Variants in RBFOX1 observed in about 807,000 individuals in gnomAD.
The protein encoded by RBFOX1 is RNA binding fox-1 homolog 1.
A neutral mutation model predicts 57.7 loss-of-function variants in RBFOX1; 8 were observed. The observed-to-expected ratio is 0.14, with a 90% CI of 0.08 to 0.25. The LOEUF is 0.25. Ranked by LOEUF, RBFOX1 falls within the 10% of genes least tolerant of loss-of-function variation. RBFOX1 has a pLI of 1.00. For missense variants in RBFOX1, 611 were observed against 548.5 expected, an observed-to-expected ratio of 1.11 and a Z score of -1.14; for synonymous variants, 326 against 222.4, an observed-to-expected ratio of 1.47 and a Z score of -4.15.
intron 1 of RBFOX1, among the ~76,000 whole-genome samples, chr16:6,181,101 A>C (rs940879933): frequency 6.6e-6 from 1 of 152,170 alleles, no homozygotes; most frequent in Non-Finnish European, 1.5e-5. Context: ...GCATCTGCAC[A>C]CTGCTTCAGG....
chr16:5,546,379 A>T (rs35435196), intron 2 of RBFOX1, among the ~76,000 whole-genome samples: 1 of 152,004 alleles, frequency 6.6e-6, no homozygotes, highest in Non-Finnish European at 1.5e-5. Flanking sequence ...GCTTTGAAGA[A>T]GAACAAAGTT....
At chr16:6,335,515 C>T (rs1214028869) in intron 2 of RBFOX1, among the ~76,000 whole-genome samples, 1 of 151,994 alleles carries the variant, frequency 6.6e-6, no homozygotes, top group African/African-American at 2.4e-5. Context: ...CGCGGTGGTT[C>T]ACGCCTGTAA....
chr16:7,564,606 G>A (rs1398961641), intron 5 of RBFOX1, among the ~76,000 whole-genome samples: 1 of 146,190 alleles, frequency 6.8e-6, no homozygotes, highest in African/African-American at 2.5e-5. Flanking sequence ...GCCCTTCCCA[G>A]GAGCTGAGTT....
chr16:7,632,849 A>G (rs1004198766), intron 11 of RBFOX1, among the ~76,000 whole-genome samples: 1 of 152,236 alleles, frequency 6.6e-6, no homozygotes, highest in Admixed American at 6.5e-5. Context: ...GCTCTATATG[A>G]TGATATGACA....
At chr16:6,226,089 G>C (rs983039222) in intron 1 of RBFOX1, among the ~76,000 whole-genome samples, 1 of 151,864 alleles carries the variant, frequency 6.6e-6, no homozygotes, top group African/African-American at 2.4e-5. Flanking sequence ...GCCTGGTGCA[G>C]TGGCTCATGC....
In RBFOX1 at chr16:7,162,149, C is replaced by T. The variant is rs1362925973; in HGVS notation, c.27+110051C>T. ...AAGAGACGTGCCAGGGAAGCCAGTGCTTTTCCCTTTAGCTGAATGTGCCAA... is the reference window on the plus strand; with the variant it reads ...AAGAGACGTGCCAGGGAAGCCAGTGTTTTTCCCTTTAGCTGAATGTGCCAA... On this transcript the variant is annotated intron_variant, in intron 4 of 15. Coordinates refer to ENST00000550418, the MANE Select transcript of RBFOX1 (RefSeq NM_018723.4). 4.6e-5 allele frequency among the ~76,000 whole-genome samples: 7 copies of T among 152,254 alleles called. No individual in the cohort carries two copies. In the East Asian group the frequency reaches 1.4e-3, roughly 30 times the overall value.
intron 3 of RBFOX1, among the ~76,000 whole-genome samples, chr16:6,944,397 GA>G (rs199499186): frequency 0.34 from 35,960 of 105,480 alleles, 4,623 homozygotes; most frequent in East Asian, 0.48. Flanking sequence ...CCATCTCAGA[GA>G]AAAAAAAAAA....
At chr16:5,807,240 T>A (rs1567566456) in intron 3 of RBFOX1, among the ~76,000 whole-genome samples, 1 of 152,174 alleles carries the variant, frequency 6.6e-6, no homozygotes, top group Non-Finnish European at 1.5e-5. Flanking sequence ...TGGCCATCCC[T>A]CCTCTCCCTT....
chr16:6,168,999 G>A (rs935445565), intron 1 of RBFOX1, among the ~76,000 whole-genome samples: 29 of 151,982 alleles, frequency 1.9e-4, no homozygotes, highest in African/African-American at 5.3e-4. Flanking sequence ...TTAGAGTTGG[G>A]CAAAAGTGCC....
intron 4 of RBFOX1, among the ~76,000 whole-genome samples, chr16:7,132,744 CT>C (rs2070846973): frequency 6.6e-6 from 1 of 152,048 alleles, no homozygotes; most frequent in Admixed American, 6.6e-5. Flanking sequence ...AAGACAAATA[CT>C]GCATGATTTC....
intron 4 of RBFOX1, among the ~76,000 whole-genome samples, chr16:7,461,616 T>C (rs1207662822): frequency 6.6e-6 from 1 of 152,228 alleles, no homozygotes; most frequent in Non-Finnish European, 1.5e-5. Flanking sequence ...TGTGTGTCTG[T>C]TTTTGCATTT....
chr16:7,031,492 A>C (rs535767937), intron 3 of RBFOX1, among the ~76,000 whole-genome samples: 2 of 152,002 alleles, frequency 1.3e-5, no homozygotes, highest in South Asian at 2.1e-4. Context: ...GCTACTTGGG[A>C]GGCTGAGGCA....
intron 1 of RBFOX1, among the ~76,000 whole-genome samples, chr16:5,377,191 A>G (rs982784103): frequency 2.0e-5 from 3 of 151,594 alleles, no homozygotes; most frequent in East Asian, 1.9e-4. Flanking sequence ...ATGCAAGTGC[A>G]AATAGTCAGA....
intron 1 of RBFOX1, among the ~76,000 whole-genome samples, chr16:5,445,478 G>T (rs2068213945): frequency 6.6e-6 from 1 of 152,160 alleles, no homozygotes; most frequent in Admixed American, 6.5e-5. Context: ...GGTGATATTT[G>T]TTGGATAAAC....
intron 4 of RBFOX1, among the ~76,000 whole-genome samples, chr16:5,941,103 T>G (rs750051995): frequency 6.6e-6 from 1 of 152,150 alleles, no homozygotes; most frequent in African/African-American, 2.4e-5. Flanking sequence ...CCATCCCCAG[T>G]AAAGTAGTTT....
chr16:5,704,651 G>A (rs752368154), intron 3 of RBFOX1, among the ~76,000 whole-genome samples: 27 of 152,194 alleles, frequency 1.8e-4, no homozygotes, highest in Non-Finnish European at 3.5e-4. Context: ...AGTGGAAGTA[G>A]CCAACTACTT....
intron 3 of RBFOX1, among the ~76,000 whole-genome samples, chr16:6,969,123 G>A (rs79490747): frequency 0.12 from 18,841 of 152,122 alleles, 1,253 homozygotes; most frequent in South Asian, 0.22. Flanking sequence ...AGTACTGCGT[G>A]TGAACTTATT....
chr16:5,339,506 G>T (rs1313410787), intron 1 of RBFOX1, among the ~76,000 whole-genome samples: 2 of 24,854 alleles, frequency 8.0e-5, no homozygotes, highest in Non-Finnish European at 1.7e-4. Context: ...TTTTTGAGAT[G>T]GAGTCTTGCT....
intron 4 of RBFOX1, among the ~76,000 whole-genome samples, chr16:7,087,223 A>T (rs969981190): frequency 2.6e-5 from 4 of 152,160 alleles, no homozygotes; most frequent in African/African-American, 9.7e-5. Flanking sequence ...TGAGTTTAAA[A>T]AAATTCTCAG....
Sources: gnomAD v4.1 joint callset for allele counts (sites outside exome capture counted in the v4.1 genomes callset) on GRCh38, gnomAD v4.1.1 for gene constraint, MANE v1.5 for transcripts, NCBI Gene and HGNC (gene_info 2026-07-23, HGNC 2026-07-21) for gene names.